TBC1D22A: variants seen among roughly 807,000 people sequenced by gnomAD.
TBC1D22A encodes putative GTPase activator.
A neutral mutation model predicts 60.2 loss-of-function variants in TBC1D22A; 38 were observed. That is an observed-to-expected ratio of 0.63 (90% CI 0.49 to 0.83). The LOEUF is 0.83. Among genes scored for constraint, TBC1D22A ranks in the 40% least tolerant of loss-of-function variants. The pLI is 0.00. For synonymous variants in TBC1D22A, 302 were observed against 281.7 expected (o/e 1.07, Z -0.72); for missense variants, 628 against 701.0 (o/e 0.90, Z 1.18).
rs924925877 is a variant in TBC1D22A, at chr22:46,976,397, G to A, written c.1125+1998G>A. On this transcript the variant is annotated intron_variant, in intron 9 of 12. Coordinates refer to ENST00000337137, the MANE Select transcript of TBC1D22A (RefSeq NM_014346.5). ...GATCCTCCCAGGAGCAAGAGTTGAG[G>A]GATGTCAGTTCCCACCATCCAGGGG... Among the ~76,000 whole-genome samples the A allele has an allele frequency of 3.9e-5, 6 of 152,178 alleles. 1 individual carries two copies. The highest frequency in any genetic ancestry group is 1.4e-4 in the African/African-American group (6 of 41,434).
At chr22:46,904,052 G>A (rs992781604) in intron 7 of TBC1D22A, among the ~76,000 whole-genome samples, 9 of 151,116 alleles carry the variant, frequency 6.0e-5, no homozygotes, top group Non-Finnish European at 1.3e-4. Context: ...TCATATATAT[G>A]TATATATATA....
intron 2 of TBC1D22A, chr22:46,792,778 G>A (rs2084472629): frequency 1.4e-6 from 2 of 1,461,362 alleles, no homozygotes; most frequent in South Asian, 1.4e-5. Context: ...GACGGCGGAT[G>A]TGGGAGCCAC....
intron 4 of TBC1D22A, among the ~76,000 whole-genome samples, chr22:46,833,142 G>T (rs1289867112): frequency 1.3e-5 from 2 of 152,218 alleles, no homozygotes; most frequent in East Asian, 3.8e-4. Flanking sequence ...AGATACATAT[G>T]AGTTAATCTC....
chr22:46,825,598 C>G (rs2086019326), intron 4 of TBC1D22A, among the ~76,000 whole-genome samples: 1 of 152,134 alleles, frequency 6.6e-6, no homozygotes, highest in Non-Finnish European at 1.5e-5. Context: ...CTCAGCCTCC[C>G]AAGTAGCTGG....
chr22:47,086,369 C>T (rs535093746), intron 11 of TBC1D22A, among the ~76,000 whole-genome samples: 11 of 152,232 alleles, frequency 7.2e-5, no homozygotes, highest in African/African-American at 2.2e-4. Flanking sequence ...GCAGGAGAAT[C>T]GCTTGAACCT....
intron 1 of TBC1D22A, among the ~76,000 whole-genome samples, chr22:46,773,324 A>T (rs1490021813): frequency 1.3e-5 from 2 of 152,082 alleles, no homozygotes; most frequent in Admixed American, 6.5e-5. Context: ...CTTTTTCCTG[A>T]GGAGTCGGGG....
chr22:46,998,156 G>T (rs2075182826), intron 10 of TBC1D22A, among the ~76,000 whole-genome samples: 1 of 152,052 alleles, frequency 6.6e-6, no homozygotes, highest in South Asian at 2.1e-4. Flanking sequence ...TATAGTATGT[G>T]CTCAGGCAAT....
At chr22:47,031,601 G>A (rs886857188) in intron 10 of TBC1D22A, among the ~76,000 whole-genome samples, 1 of 152,210 alleles carries the variant, frequency 6.6e-6, no homozygotes, top group Non-Finnish European at 1.5e-5. Context: ...GCAAGGGTGG[G>A]TCCATGCTCA....
rs531533531 is a variant in TBC1D22A at position 46,846,720 on chromosome 22, C to T, written c.638-31933C>T. 1.1e-4 allele frequency among the ~76,000 whole-genome samples: 16 copies of T among 151,834 alleles called. No individual in the cohort carries two copies. In the South Asian group the frequency reaches 1.5e-3, roughly 14 times the overall value. ...GCCTCTCATCTTCACCCGGATTCGG[C>T]GGGTATCAAGATATGCCACCAGCCT... On this transcript the variant is annotated intron_variant, in intron 4 of 12. Transcript: ENST00000337137.
chr22:46,818,733 C>G (rs892898531), intron 4 of TBC1D22A, among the ~76,000 whole-genome samples: 1 of 152,100 alleles, frequency 6.6e-6, no homozygotes, highest in Non-Finnish European at 1.5e-5. Flanking sequence ...GGTTTGATTC[C>G]GTATGAAATT....
intron 8 of TBC1D22A, among the ~76,000 whole-genome samples, chr22:46,933,161 C>G (rs1265193831): frequency 6.6e-6 from 1 of 152,202 alleles, no homozygotes; most frequent in African/African-American, 2.4e-5. Context: ...GCCTTCCATT[C>G]CTATCTTTGA....
chr22:47,038,544 G>A (rs1235726223), intron 11 of TBC1D22A, among the ~76,000 whole-genome samples: 1 of 152,194 alleles, frequency 6.6e-6, no homozygotes, highest in African/African-American at 2.4e-5. Context: ...ACAGGACAGG[G>A]TGCCTGCTGG....
At chr22:46,839,311 T>TC (rs1318594850) in intron 4 of TBC1D22A, among the ~76,000 whole-genome samples, 4 of 146,034 alleles carry the variant, frequency 2.7e-5, no homozygotes, top group African/African-American at 1.0e-4. Context: ...TTCTTCTTCT[T>TC]TTTTTTTTTT....
intron 10 of TBC1D22A, among the ~76,000 whole-genome samples, chr22:47,017,613 TC>T (rs1465092421): frequency 6.6e-6 from 1 of 152,154 alleles, no homozygotes; most frequent in Non-Finnish European, 1.5e-5. Flanking sequence ...GTGGGGACAC[TC>T]AGGCTTTGTG....
chr22:46,910,349 C>T (rs183773593), intron 7 of TBC1D22A, among the ~76,000 whole-genome samples: 68 of 152,102 alleles, frequency 4.5e-4, no homozygotes, highest in Admixed American at 2.2e-3. Flanking sequence ...TTGTAGGTCC[C>T]GGGTTGATGG....
At chr22:47,037,626 A>G (rs1437863189) in intron 11 of TBC1D22A, among the ~76,000 whole-genome samples, 2 of 152,166 alleles carry the variant, frequency 1.3e-5, no homozygotes, top group African/African-American at 2.4e-5. Context: ...GCGAGACTCC[A>G]TCTCAAAAAA....
At chr22:47,052,783 C>A (rs185955295) in intron 11 of TBC1D22A, among the ~76,000 whole-genome samples, 1 of 152,234 alleles carries the variant, frequency 6.6e-6, no homozygotes, top group African/African-American at 2.4e-5. Flanking sequence ...CCCCGGGCAT[C>A]TTCCTGTCCT....
chr22:47,114,362 C>T (rs1348125042), intron 12 of TBC1D22A, among the ~76,000 whole-genome samples: 3 of 151,870 alleles, frequency 2.0e-5, no homozygotes, highest in Non-Finnish European at 4.4e-5. Flanking sequence ...GGCAGAGGAG[C>T]CATGAGATTG....
chr22:46,917,484 C>G (rs1182844536), intron 8 of TBC1D22A, among the ~76,000 whole-genome samples: 1 of 152,168 alleles, frequency 6.6e-6, no homozygotes, highest in Non-Finnish European at 1.5e-5. Context: ...AAGGAAAAAT[C>G]CAGTCACCTC....
Sources: gnomAD v4.1 joint callset for allele counts (sites outside exome capture counted in the v4.1 genomes callset) on GRCh38, gnomAD v4.1.1 for gene constraint, MANE v1.5 for transcripts, NCBI Gene and HGNC (gene_info 2026-07-23, HGNC 2026-07-21) for gene names.